SRPK2: variants seen among roughly 807,000 people sequenced by gnomAD.
SRPK2 encodes SFRS protein kinase 2.
In SRPK2, 21 loss-of-function variants were observed where a neutral mutation model predicts 90.8. The ratio of observed to expected loss-of-function variants is 0.23; its 90% confidence interval spans 0.16 to 0.33. SRPK2 has a LOEUF of 0.33. Among genes scored for constraint, SRPK2 ranks in the 10% least tolerant of loss-of-function variants. SRPK2 has a pLI of 1.00. For synonymous variants in SRPK2, 288 were observed against 311.1 expected (o/e 0.93, Z 0.78); for missense variants, 620 against 869.0 (o/e 0.71, Z 3.60).
At position 105,282,887 on chromosome 7, in the gene SRPK2, G is replaced by A. The variant is rs370018066; in HGVS notation, c.72-79102C>T. Among the ~76,000 whole-genome samples the A allele has an allele frequency of 5.5e-3, 466 of 84,778 alleles. 6 individuals are homozygous for A. The highest frequency in any genetic ancestry group is 0.024 in the African/African-American group (403 of 16,734). 55.6% of individuals were successfully genotyped at this position (84,778 alleles called of 152,430 possible). A position where few individuals can be genotyped will look rare whatever the true frequency, so the allele number is the denominator to read the frequency against. On this transcript the variant is annotated intron_variant, in intron 2 of 15. Transcript: ENST00000393651. The stretch of plus-strand genomic sequence containing the variant: ...ATGGGAGAAAATATTTGTAAATCAC[G>A]TAACTGATAAAAAAAAAAACTAGCA...
intron 3 of SRPK2, among the ~76,000 whole-genome samples, chr7:105,170,967 GAGAAAGAAAGAGAAAGAAAGAA>G (rs1194020444): frequency 1.3e-5 from 1 of 74,506 alleles, no homozygotes; most frequent in African/African-American, 5.4e-5. Context: ...AAGAAAGAAA[GAGAAAGAAAGAGAAAGAAAGAA>G]AGAAAGAGAA....
intron 2 of SRPK2, among the ~76,000 whole-genome samples, chr7:105,370,626 T>TC (rs1263633721): frequency 4.7e-5 from 7 of 149,384 alleles, no homozygotes; most frequent in Non-Finnish European, 3.0e-5. Context: ...CTTTTTTTTT[T>TC]TTTTTTTGAG....
chr7:105,350,545 TGAGACGGAATC>T (rs1817053277), intron 2 of SRPK2, among the ~76,000 whole-genome samples: 2 of 147,246 alleles, frequency 1.4e-5, no homozygotes, highest in African/African-American at 2.5e-5. Context: ...TTTTTTTTTT[TGAGACGGAATC>T]TCTGTCACCC....
At chr7:105,181,065 A>T (rs1792719655) in intron 3 of SRPK2, among the ~76,000 whole-genome samples, 1 of 152,196 alleles carries the variant, frequency 6.6e-6, no homozygotes, top group South Asian at 2.1e-4. Context: ...AAAGGACATG[A>T]ATAGACATTT....
At chr7:105,223,803 TA>T (rs1248753953) in intron 2 of SRPK2, among the ~76,000 whole-genome samples, 3 of 152,300 alleles carry the variant, frequency 2.0e-5, no homozygotes, top group African/African-American at 7.2e-5. Flanking sequence ...AAAAATGAAA[TA>T]AAAGTATAAA....
chr7:105,344,526 G>T (rs899027265), intron 2 of SRPK2, among the ~76,000 whole-genome samples: 2 of 150,266 alleles, frequency 1.3e-5, no homozygotes, highest in African/African-American at 4.9e-5. Context: ...AGAGTACCTG[G>T]GCTATGCACT....
intron 2 of SRPK2, among the ~76,000 whole-genome samples, chr7:105,247,444 T>C (rs1309673061): frequency 6.6e-6 from 1 of 151,494 alleles, no homozygotes; most frequent in African/African-American, 2.4e-5. Context: ...TTTAAGTACA[T>C]CACTGATGAT....
At chr7:105,396,492 G>A (rs959697604) in intron 1 of SRPK2, among the ~76,000 whole-genome samples, 114 of 151,904 alleles carry the variant, frequency 7.5e-4, no homozygotes, top group African/African-American at 2.3e-3. Flanking sequence ...AAAGCTGGGC[G>A]TGGTGGCAGG....
chr7:105,209,497 C>T (rs1024836758), intron 2 of SRPK2, among the ~76,000 whole-genome samples: 6 of 151,680 alleles, frequency 4.0e-5, no homozygotes, highest in African/African-American at 1.5e-4. Context: ...AAGATCATAG[C>T]ACTGCACTCC....
intron 2 of SRPK2, among the ~76,000 whole-genome samples, chr7:105,299,414 T>C (rs575853295): frequency 6.6e-6 from 1 of 152,310 alleles, no homozygotes; most frequent in East Asian, 1.9e-4. Flanking sequence ...CTACCAAAAA[T>C]AATCTGAACC....
intron 2 of SRPK2, among the ~76,000 whole-genome samples, chr7:105,353,863 T>TC (rs1460136810): frequency 6.6e-6 from 1 of 152,120 alleles, no homozygotes; most frequent in Non-Finnish European, 1.5e-5. Context: ...CAGAGAGCCT[T>TC]CCTAAAGGCA....
At chr7:105,130,502 G>A (rs1461305946) in intron 13 of SRPK2, among the ~76,000 whole-genome samples, 2 of 151,996 alleles carry the variant, frequency 1.3e-5, no homozygotes, top group Admixed American at 6.6e-5. Flanking sequence ...GTGAACTATA[G>A]TCCTGCCACT....
chr7:105,278,591 C>A (rs924937546), intron 2 of SRPK2, among the ~76,000 whole-genome samples: 1 of 149,608 alleles, frequency 6.7e-6, no homozygotes, highest in Non-Finnish European at 1.5e-5. Context: ...GAAGCTGAGG[C>A]AGGAGAATCG....
intron 2 of SRPK2, among the ~76,000 whole-genome samples, chr7:105,331,328 A>AAAAC (rs1450703790): frequency 1.4e-5 from 2 of 145,870 alleles, no homozygotes; most frequent in Non-Finnish European, 3.0e-5. Context: ...AAAAAAAAAA[A>AAAAC]AAAAAAAAAC....
At chr7:105,126,022 C>G in intron 15 of SRPK2, 3 of 655,670 alleles carry the variant, frequency 4.6e-6, no homozygotes, top group Non-Finnish European at 7.8e-6. Context: ...TTGCTGGATT[C>G]AGGATCCAGA....
chr7:105,371,131 TG>T (rs1819639605), intron 2 of SRPK2, among the ~76,000 whole-genome samples: 1 of 152,124 alleles, frequency 6.6e-6, no homozygotes, highest in South Asian at 2.1e-4. Flanking sequence ...CGATCAGGCA[TG>T]GTGGCTCACG....
intron 3 of SRPK2, among the ~76,000 whole-genome samples, chr7:105,190,355 T>C (rs1794124907): frequency 6.6e-6 from 1 of 152,202 alleles, no homozygotes; most frequent in Non-Finnish European, 1.5e-5. Context: ...CCACTCTAGG[T>C]CAAAATGAAC....
chr7:105,369,147 T>TTATTAC (rs1819426702), intron 2 of SRPK2, among the ~76,000 whole-genome samples: 1 of 149,444 alleles, frequency 6.7e-6, no homozygotes, highest in African/African-American at 2.5e-5. Flanking sequence ...ATTATTATTA[T>TTATTAC]TATTATTATT....
intron 2 of SRPK2, among the ~76,000 whole-genome samples, chr7:105,244,462 T>G (rs186946950): frequency 6.6e-6 from 1 of 152,314 alleles, no homozygotes; most frequent in African/African-American, 2.4e-5. Context: ...TAATCCCAGC[T>G]ACTCGGGAAG....
Sources: gnomAD v4.1 joint callset for allele counts (sites outside exome capture counted in the v4.1 genomes callset) on GRCh38, gnomAD v4.1.1 for gene constraint, MANE v1.5 for transcripts, NCBI Gene and HGNC (gene_info 2026-07-23, HGNC 2026-07-21) for gene names.